Variants in KLHDC10 observed in about 807,000 individuals in gnomAD.
The protein encoded by KLHDC10 is kelch domain containing 10.
A neutral mutation model predicts 56.1 loss-of-function variants in KLHDC10; 24 were observed. The observed-to-expected ratio is 0.43, with a 90% CI of 0.31 to 0.60. KLHDC10 has a LOEUF of 0.60. Among genes scored for constraint, KLHDC10 ranks in the 20% least tolerant of loss-of-function variants. KLHDC10 has a pLI of 0.11. For missense variants in KLHDC10, 349 were observed against 567.0 expected, an observed-to-expected ratio of 0.62 and a Z score of 3.91; for synonymous variants, 188 against 207.1, an observed-to-expected ratio of 0.91 and a Z score of 0.79.
At chr7:130,074,123 C>T (rs1014534402) in intron 1 of KLHDC10, among the ~76,000 whole-genome samples, 3 of 152,180 alleles carry the variant, frequency 2.0e-5, no homozygotes, top group African/African-American at 4.8e-5. Flanking sequence ...TCCTGTGTTA[C>T]GTTCTCTTGG....
rs140842195 is a variant in KLHDC10 at position 130,129,495 on chromosome 7, G to T, written c.1038G>T (p.Leu346Phe). 1.9e-6 allele frequency: 3 copies of T among 1,614,018 alleles called. No homozygotes were observed. The highest frequency in any genetic ancestry group is 2.7e-5 in the African/African-American group (2 of 74,906). ...GEVILGDIWK[L>F]NLQTFQWVKL... ...TGATCCTGGGAGATATCTGGAAGTT[G>T]AATCTGCAGACTTTCCAATGGGTGA... Residue 346 changes from leucine to phenylalanine, a missense_variant, in exon 9 of 10, where the codon TTG becomes TTT. Around this residue, in one of 2 missense-constraint regions of KLHDC10, gnomAD observed 245 missense variants for 470.1 expected, o/e 0.52. Transcript: ENST00000335420.
In KLHDC10 at chr7:130,130,880, C is replaced by T; in HGVS notation, c.*134C>T. On this transcript the variant is annotated 3_prime_UTR_variant, in exon 10 of 10. Transcript: ENST00000335420. This position sits in a 1 kb window ranked among gnomAD's most constrained non-coding sequence, Gnocchi z 4.2. ...CCTTATTTAGAAAATACATCAGATG[C>T]CTTTCTGTAAATTGGTTTTTCAGTT... 1 of 812,726 alleles carries T rather than the reference C, an allele frequency of 1.2e-6. No homozygotes were observed. Among genetic ancestry groups the T allele is most frequent in the East Asian group, 2.6e-5 (1 of 37,924 alleles). The allele number at this position is 812,726 out of a possible 1,614,324, so 50.3% of individuals were successfully genotyped here.
At chr7:130,090,767 C>CGTGT (rs57061414) in intron 1 of KLHDC10, among the ~76,000 whole-genome samples, 15,639 of 148,086 alleles carry the variant, frequency 0.11, 955 homozygotes, top group African/African-American at 0.18. Flanking sequence ...TACACATACT[C>CGTGT]GTGTGTGTGT....
intron 1 of KLHDC10, among the ~76,000 whole-genome samples, chr7:130,077,278 T>A (rs537936487): frequency 8.3e-6 from 1 of 120,920 alleles, no homozygotes; most frequent in African/African-American, 3.2e-5. Flanking sequence ...TTGTTGAACC[T>A]GGGAGGCAGA....
Position 130,120,717 on chromosome 7 carries a change from T to C in KLHDC10, c.476-32T>C, listed in dbSNP as rs1293310671. 2 of 1,611,282 alleles carry C rather than the reference T, an allele frequency of 1.2e-6. No individual in the cohort carries two copies. The highest frequency in any genetic ancestry group is 1.7e-6 in the Non-Finnish European group (2 of 1,178,402). On this transcript the variant is annotated intron_variant, in intron 3 of 9. Transcript: ENST00000335420. This position sits in a 1 kb window ranked among gnomAD's most constrained non-coding sequence, Gnocchi z 5.1. ...TGGGAACAAATTGCAGGTAGCCATTTGTGAACAGAACTTGTGCTTCTCCTT... is the reference window on the plus strand; with the variant it reads ...TGGGAACAAATTGCAGGTAGCCATTCGTGAACAGAACTTGTGCTTCTCCTT...
In KLHDC10 at chr7:130,130,038, C is replaced by T. The variant is rs372736835; in HGVS notation, c.1119+462C>T. On this transcript the variant is annotated intron_variant, in intron 9 of 9. Transcript: ENST00000335420. The surrounding 1 kb of genome is among the most constrained non-coding windows in gnomAD (Gnocchi z 4.2). ...TAAAAAAAAATTCATATATATAGGCCGGGCGCGGTGGCTCAGGCCTGTAAT... is the reference window on the plus strand; with the variant it reads ...TAAAAAAAAATTCATATATATAGGCTGGGCGCGGTGGCTCAGGCCTGTAAT... Among the ~76,000 whole-genome samples, 66 of 152,008 alleles carry T rather than the reference C, an allele frequency of 4.3e-4. 1 individual carries two copies. The East Asian group carries it at 0.01, about 24-fold the overall frequency.
At chr7:130,103,161 C>A (rs898197494) in intron 2 of KLHDC10, among the ~76,000 whole-genome samples, 1 of 152,060 alleles carries the variant, frequency 6.6e-6, no homozygotes, top group African/African-American at 2.4e-5. Flanking sequence ...CACGGTGGCT[C>A]ACACCTGTAA....
chr7:130,130,394 T>C lies in KLHDC10; in HGVS notation c.1120-143T>C, dbSNP rs934713380. On this transcript the variant is annotated intron_variant, in intron 9 of 9. Coordinates refer to ENST00000335420, the MANE Select transcript of KLHDC10 (RefSeq NM_014997.4). The surrounding 1 kb of genome is among the most constrained non-coding windows in gnomAD (Gnocchi z 4.2). ...AATTCATTAATTATTTAAACCCTCTTGATCTCCACATGGTATTGGGATCAG... is the reference window on the plus strand; with the variant it reads ...AATTCATTAATTATTTAAACCCTCTCGATCTCCACATGGTATTGGGATCAG... 2 of 612,828 alleles carry C rather than the reference T, an allele frequency of 3.3e-6. No individual in the cohort carries two copies. Among genetic ancestry groups the C allele is most frequent in the Non-Finnish European group, 5.9e-6 (2 of 338,820 alleles). The allele number at this position is 612,828 out of a possible 1,614,324, so 38.0% of individuals were successfully genotyped here. A position where few individuals can be genotyped will look rare whatever the true frequency, so the allele number is the denominator to read the frequency against.
intron 1 of KLHDC10, among the ~76,000 whole-genome samples, chr7:130,089,980 C>G (rs1196491712): frequency 6.6e-6 from 1 of 151,740 alleles, no homozygotes; most frequent in Non-Finnish European, 1.5e-5. Context: ...CTCCTAAGTT[C>G]AAGCAATTCT....
intron 1 of KLHDC10, among the ~76,000 whole-genome samples, chr7:130,087,354 C>T (rs1451183006): frequency 6.6e-6 from 1 of 152,102 alleles, no homozygotes; most frequent in Non-Finnish European, 1.5e-5. Flanking sequence ...GATCAGAATC[C>T]TTCAGTAGCT....
chr7:130,121,917 C>G, intron 4 of KLHDC10, 137 bp from the exon 5 acceptor site: 1 of 680,422 alleles, frequency 1.5e-6, no homozygotes, highest in Non-Finnish European at 2.3e-6. Context: ...AATCTTTATT[C>G]TTTTAAGAGT....
At position 130,135,164 on chromosome 7, in the gene KLHDC10, A is replaced by C. The variant is rs1314469287; in HGVS notation, c.*4418A>C. ...CCTGCTTAGTCAGTGTACAGGGTGG[A>C]GTCAGAGGCAGTTTTCAGAAAAAAA... On this transcript the variant is annotated 3_prime_UTR_variant, in exon 10 of 10. Transcript: ENST00000335420. The C allele has an allele frequency of 7.2e-6, 1 of 138,302 alleles. No individual in the cohort carries two copies. The highest frequency in any genetic ancestry group is 7.4e-5 in the Admixed American group (1 of 13,522). 8.6% of individuals were successfully genotyped at this position (138,302 alleles called of 1,614,324 possible).
intron 2 of KLHDC10, among the ~76,000 whole-genome samples, chr7:130,097,980 A>G (rs1443165190): frequency 2.0e-5 from 3 of 152,152 alleles, no homozygotes; most frequent in African/African-American, 7.2e-5. Flanking sequence ...TTTAGACTGT[A>G]TTAAATTATT....
intron 1 of KLHDC10, among the ~76,000 whole-genome samples, chr7:130,073,218 AAACAACAAC>A (rs921106790): frequency 3.3e-5 from 5 of 152,070 alleles, no homozygotes; most frequent in Non-Finnish European, 7.4e-5. Flanking sequence ...AAAAATTAAA[AAACAACAAC>A]AACAACAACA....
At chr7:130,122,333 C>G in intron 5 of KLHDC10, 131 bp downstream of exon 5, 1 of 799,932 alleles carries the variant, frequency 1.3e-6, no homozygotes, top group Non-Finnish European at 1.9e-6. Flanking sequence ...TGTTAGATCT[C>G]AGGTAAATAG....
chr7:130,123,709 G>T (rs912098830), intron 5 of KLHDC10, among the ~76,000 whole-genome samples: 3 of 152,148 alleles, frequency 2.0e-5, no homozygotes, highest in African/African-American at 7.2e-5. Context: ...TTGGAAGTTG[G>T]CCTCTTACTG....
At position 130,130,179 on chromosome 7, in the gene KLHDC10, A is replaced by G. The variant is rs1015098397; in HGVS notation, c.1120-358A>G. Among the ~76,000 whole-genome samples the G allele has an allele frequency of 6.6e-5, 10 of 151,838 alleles. No individual in the cohort carries two copies. The highest frequency in any genetic ancestry group is 2.2e-4 in the African/African-American group (9 of 41,348). ...AAAAATACAAAAAAAAATTAGCCGG[A>G]CGTGGTGGCGCGTGCCTGTATTCCC... On this transcript the variant is annotated intron_variant, in intron 9 of 9. Transcript: ENST00000335420. The surrounding 1 kb of genome is among the most constrained non-coding windows in gnomAD (Gnocchi z 4.2).
chr7:130,075,710 TATGTTTACTGCTTAAATTTTG>T (rs1197909466), intron 1 of KLHDC10, among the ~76,000 whole-genome samples: 3 of 152,206 alleles, frequency 2.0e-5, no homozygotes, highest in African/African-American at 7.2e-5. Context: ...TCAAAGGATT[TATGTTTACTGCTTAAATTTTG>T]ATAGATTCTG....
chr7:130,079,439 A>G (rs1019474485), intron 1 of KLHDC10, among the ~76,000 whole-genome samples: 1 of 152,148 alleles, frequency 6.6e-6, no homozygotes, highest in Non-Finnish European at 1.5e-5. Flanking sequence ...TTCAGCATCT[A>G]TGGGAATTAT....
Sources: gnomAD v4.1 joint callset for allele counts (sites outside exome capture counted in the v4.1 genomes callset) on GRCh38, gnomAD v4.1.1 for gene constraint, gnomAD v4.1.1 regional missense constraint, Gnocchi (gnomAD v3.1) non-coding constraint, MANE v1.5 for transcripts, NCBI Gene and HGNC (gene_info 2026-07-23, HGNC 2026-07-21) for gene names.